Variants in ADRA1B observed in about 807,000 individuals in gnomAD.
The protein encoded by ADRA1B is alpha-1B adrenergic receptor.
ADRA1B carries 17 observed loss-of-function variants against 17.9 expected under a neutral mutation model. That is an observed-to-expected ratio of 0.95 (90% CI 0.65 to 1.42). The LOEUF is 1.42. ADRA1B is among the 40% of genes most tolerant of loss of function. ADRA1B has a pLI of 0.00. For synonymous variants in ADRA1B, 366 were observed against 327.6 expected, an observed-to-expected ratio of 1.12 and a Z score of -1.27; for missense variants, 681 against 722.1, an observed-to-expected ratio of 0.94 and a Z score of 0.65.
intron 1 of ADRA1B, among the ~76,000 whole-genome samples, chr5:159,898,456 C>T (rs1754061046): frequency 6.6e-6 from 1 of 152,244 alleles, no homozygotes; most frequent in South Asian, 2.1e-4. Flanking sequence ...TGATTCTCAA[C>T]AATACTCAGC....
At chr5:159,946,651 C>T (rs768133319) in intron 1 of ADRA1B, among the ~76,000 whole-genome samples, 5 of 152,134 alleles carry the variant, frequency 3.3e-5, no homozygotes, top group Non-Finnish European at 5.9e-5. Context: ...CCACCAGCCA[C>T]GATGATTTGA....
intron 1 of ADRA1B, among the ~76,000 whole-genome samples, chr5:159,932,654 T>A (rs994365352): frequency 3.3e-5 from 5 of 152,160 alleles, no homozygotes; most frequent in African/African-American, 4.8e-5. Flanking sequence ...TTCCCCTCCA[T>A]GGAGGCAACC....
the ADRA1B span, among the ~76,000 whole-genome samples, chr5:159,987,950 TATGTTCAC>T: frequency 6.6e-6 from 1 of 152,118 alleles, no homozygotes; most frequent in African/African-American, 2.4e-5. Flanking sequence ...CCGCCCAAAA[TATGTTCAC>T]ATCCTAATCC....
intron 1 of ADRA1B, among the ~76,000 whole-genome samples, chr5:159,958,976 G>C (rs1029204081): frequency 6.6e-6 from 1 of 152,206 alleles, no homozygotes; most frequent in Non-Finnish European, 1.5e-5. Flanking sequence ...CTGGGCTTAA[G>C]CCAAAAGGTA....
At chr5:159,874,191 C>A (rs934365863) in intron 1 of ADRA1B, among the ~76,000 whole-genome samples, 3 of 152,162 alleles carry the variant, frequency 2.0e-5, no homozygotes, top group African/African-American at 4.8e-5. Context: ...CTAATACCAG[C>A]CCCTAGAGCC....
rs545745360 is a variant in ADRA1B at position 159,880,298 on chromosome 5, A to G, written c.-256+15092A>G. 2.9e-3 allele frequency among the ~76,000 whole-genome samples: 440 copies of G among 152,342 alleles called. 2 individuals are homozygous for G. Among genetic ancestry groups the G allele is most frequent in the African/African-American group, 0.01 (428 of 41,580 alleles). ...CCTCACCTATAACAGAGAAGAGTAAAGGAAACATTCATTTACTGAATTTCT... is the reference window on the plus strand; with the variant it reads ...CCTCACCTATAACAGAGAAGAGTAAGGGAAACATTCATTTACTGAATTTCT... On this transcript the variant is annotated intron_variant, in intron 1 of 2. Transcript: ENST00000641205.
chr5:159,909,724 T>C (rs72808188), intron 1 of ADRA1B, among the ~76,000 whole-genome samples: 9,721 of 152,270 alleles, frequency 0.064, 345 homozygotes, highest in East Asian at 0.14. Flanking sequence ...CCATAATAAA[T>C]GGTGAAACAC....
chr5:159,950,901 C>A, intron 1 of ADRA1B: 1 of 565,918 alleles, frequency 1.8e-6, no homozygotes, highest in African/African-American at 1.8e-5. Context: ...TGGAGAGCCC[C>A]GCAGCCGTCG....
At chr5:159,928,863 G>A (rs1754728459) in intron 1 of ADRA1B, among the ~76,000 whole-genome samples, 1 of 152,122 alleles carries the variant, frequency 6.6e-6, no homozygotes, top group Admixed American at 6.5e-5. Flanking sequence ...GGGAGGAGGA[G>A]GATCCACCAA....
At chr5:159,938,920 C>G (rs958683015) in intron 1 of ADRA1B, among the ~76,000 whole-genome samples, 3 of 152,120 alleles carry the variant, frequency 2.0e-5, no homozygotes, top group African/African-American at 7.2e-5. Flanking sequence ...GCAGCCAGTC[C>G]GAAACTATCT....
At chr5:159,978,794 T>A in the ADRA1B span, among the ~76,000 whole-genome samples, 8 of 152,232 alleles carry the variant, frequency 5.3e-5, no homozygotes, top group African/African-American at 1.9e-4. Context: ...ACCTAGTGAA[T>A]GCTCTCAAAT....
chr5:159,926,527 C>T (rs1431837228), intron 1 of ADRA1B, among the ~76,000 whole-genome samples: 1 of 152,144 alleles, frequency 6.6e-6, no homozygotes, highest in Non-Finnish European at 1.5e-5. Flanking sequence ...GTGTACCAGA[C>T]TTCTTCTAGT....
At chr5:159,931,292 G>T (rs1024238337) in intron 1 of ADRA1B, among the ~76,000 whole-genome samples, 1 of 151,676 alleles carries the variant, frequency 6.6e-6, no homozygotes, top group East Asian at 1.9e-4. Flanking sequence ...TACTAGGGAG[G>T]CTGAGTGGGG....
At chr5:159,931,753 C>A (rs1754811852) in intron 1 of ADRA1B, among the ~76,000 whole-genome samples, 1 of 152,144 alleles carries the variant, frequency 6.6e-6, no homozygotes, top group Non-Finnish European at 1.5e-5. Context: ...TGAGGACCTG[C>A]CCATAGATGG....
chr5:159,985,278 A>G, the ADRA1B span, among the ~76,000 whole-genome samples: 1 of 152,162 alleles, frequency 6.6e-6, no homozygotes, highest in Non-Finnish European at 1.5e-5. Context: ...TTTACCTTTT[A>G]ATTATCACAT....
At chr5:159,939,586 G>A (rs1381355892) in intron 1 of ADRA1B, among the ~76,000 whole-genome samples, 1 of 152,080 alleles carries the variant, frequency 6.6e-6, no homozygotes, top group African/African-American at 2.4e-5. Flanking sequence ...CTCACTAGCT[G>A]TGCAACCTCA....
intron 1 of ADRA1B, among the ~76,000 whole-genome samples, chr5:159,884,558 C>G (rs570563800): frequency 6.6e-6 from 1 of 152,162 alleles, no homozygotes. Flanking sequence ...GCCTCCAAAA[C>G]CATAAAAAAT....
At position 159,943,690 on chromosome 5, in the gene ADRA1B, G is replaced by A. The variant is rs1479520836; in HGVS notation, c.949+25836G>A. On this transcript the variant is annotated intron_variant, in intron 1 of 1. Coordinates refer to ENST00000306675, the MANE Select transcript of ADRA1B (RefSeq NM_000679.4). Reference sequence around the variant, plus strand: ...GTGACCTACTTAGGGGATTTCAGGGGTTGGGGAGAGAAAGAGATTTGCTTT... The same window carrying A: ...GTGACCTACTTAGGGGATTTCAGGGATTGGGGAGAGAAAGAGATTTGCTTT... Among the ~76,000 whole-genome samples the A allele has an allele frequency of 4.6e-5, 7 of 152,038 alleles. No individual in the cohort carries two copies. The East Asian group carries it at 1.3e-3, about 29-fold the overall frequency.
At chr5:159,944,765 G>A (rs929312629) in intron 1 of ADRA1B, among the ~76,000 whole-genome samples, 2 of 152,128 alleles carry the variant, frequency 1.3e-5, no homozygotes, top group African/African-American at 4.8e-5. Flanking sequence ...TATGGAAATT[G>A]AAATTCAGAC....
Sources: gnomAD v4.1 joint callset for allele counts (sites outside exome capture counted in the v4.1 genomes callset) on GRCh38, gnomAD v4.1.1 for gene constraint, MANE v1.5 for transcripts, NCBI Gene and HGNC (gene_info 2026-07-23, HGNC 2026-07-21) for gene names.